The following CNTN4 variants were observed in gnomAD, a reference collection of about 807,000 sequenced individuals.
CNTN4 encodes the protein contactin-4.
A neutral mutation model predicts 122.5 loss-of-function variants in CNTN4; 77 were observed. That is an observed-to-expected ratio of 0.63 (90% CI 0.52 to 0.76). The LOEUF (loss-of-function observed/expected upper bound fraction) is 0.76, where lower values mean the gene tolerates loss of function less well. Ranked by LOEUF, CNTN4 falls within the 30% of genes least tolerant of loss-of-function variation. CNTN4 has a pLI of 0.00. For synonymous variants in CNTN4, 512 were observed against 447.0 expected (o/e 1.15, Z -1.83); for missense variants, 1,256 against 1,259.1 (o/e 1.00, Z 0.04).
At chr3:2,199,459 A>G (rs1244968861) in intron 2 of CNTN4, among the ~76,000 whole-genome samples, 1 of 152,100 alleles carries the variant, frequency 6.6e-6, no homozygotes, top group Non-Finnish European at 1.5e-5. Flanking sequence ...ATAGATTGAT[A>G]GCTTTGAAAT....
At chr3:2,608,886 G>A (rs1246019890) in intron 4 of CNTN4, among the ~76,000 whole-genome samples, 2 of 152,218 alleles carry the variant, frequency 1.3e-5, no homozygotes, top group Non-Finnish European at 2.9e-5. Flanking sequence ...ACTACTGGGA[G>A]ATTTCATAGG....
intron 7 of CNTN4, 103 bp downstream of exon 7, chr3:2,819,684 GA>G: frequency 1.1e-6 from 1 of 897,592 alleles, no homozygotes; most frequent in Non-Finnish European, 1.8e-6. Context: ...GTCATTTATA[GA>G]GATTCCCAAA....
rs1000167881 is a variant in CNTN4 at position 2,191,826 on chromosome 3, C to T, written c.-145+91187C>T. 2.6e-4 allele frequency among the ~76,000 whole-genome samples: 39 copies of T among 152,038 alleles called. 1 individual carries two copies. The highest frequency in any genetic ancestry group is 2.4e-3 in the Admixed American group (37 of 15,258). ...GCATGTGCCATGTTGGTGTGCTGCA[C>T]CCATTAACTTGTCATTTACATTAGG... On this transcript the variant is annotated intron_variant, in intron 2 of 24. Transcript: ENST00000418658.
intron 14 of CNTN4, among the ~76,000 whole-genome samples, chr3:3,003,129 G>T (rs1445237249): frequency 2.0e-5 from 3 of 152,190 alleles, no homozygotes; most frequent in Non-Finnish European, 4.4e-5. Flanking sequence ...AAGGGCTAGA[G>T]AGAAAACTGG....
chr3:2,287,699 A>G (rs778633474), intron 2 of CNTN4, among the ~76,000 whole-genome samples: 17,532 of 82,032 alleles, frequency 0.21, 1,865 homozygotes, highest in Non-Finnish European at 0.24. Flanking sequence ...AAGAGGAAGA[A>G]GAAGAAGAAG....
At position 3,026,211 on chromosome 3, in the gene CNTN4, T is replaced by A. The variant is rs1364591296; in HGVS notation, c.1596T>A (p.Thr532=). Residue 532 remains threonine, a synonymous_variant, in exon 15 of 25, where the codon ACT becomes ACA. Transcript: ENST00000418658. ...ATCACTCGCTAGACATCGTGTTTAC[T>A]TGGTCATTTAATGGACACCTGATAG... ...THDHSLDIVF[T]WSFNGHLIDF... is the part of the protein sequence containing the mutation. 2 of 1,613,598 alleles carry A rather than the reference T, an allele frequency of 1.2e-6. No individual in the cohort carries two copies. Among genetic ancestry groups the A allele is most frequent in the Non-Finnish European group, 1.7e-6 (2 of 1,179,586 alleles).
intron 4 of CNTN4, among the ~76,000 whole-genome samples, chr3:2,697,817 A>G (rs2086130033): frequency 6.6e-6 from 1 of 152,256 alleles, no homozygotes; most frequent in East Asian, 1.9e-4. Context: ...GATTCAGGGA[A>G]GAGTTGATGT....
chr3:2,717,145 G>A (rs1332355084), intron 4 of CNTN4, among the ~76,000 whole-genome samples: 1 of 152,120 alleles, frequency 6.6e-6, no homozygotes, highest in Non-Finnish European at 1.5e-5. Context: ...AGAGTTAACA[G>A]GCCTGACTGC....
rs904606274 is a variant in CNTN4, at chr3:2,802,686, A to G, written c.359-16800A>G. 5.7e-4 allele frequency among the ~76,000 whole-genome samples: 86 copies of G among 152,144 alleles called. 1 individual carries two copies. Among genetic ancestry groups the G allele is most frequent in the African/African-American group, 1.8e-3 (76 of 41,416 alleles). On this transcript the variant is annotated intron_variant, in intron 6 of 24. Coordinates refer to ENST00000418658, the MANE Select transcript of CNTN4 (RefSeq NM_175607.3). ...AGAAACCTAACCCTGTATTTCCCCTACGGTTTAGCAGTCACTAATTCAGTG... is the reference window on the plus strand; with the variant it reads ...AGAAACCTAACCCTGTATTTCCCCTGCGGTTTAGCAGTCACTAATTCAGTG...
Position 2,929,567 on chromosome 3 carries a change from A to G in CNTN4, c.1358+3788A>G, listed in dbSNP as rs1406029524. On this transcript the variant is annotated intron_variant, in intron 13 of 24. Coordinates refer to ENST00000418658, the MANE Select transcript of CNTN4 (RefSeq NM_175607.3). ...TTGAGAAGATCCAGGATGGATTGCAACTGCAGGTATGACAGGGCTTAGGTG... is the reference window on the plus strand; with the variant it reads ...TTGAGAAGATCCAGGATGGATTGCAGCTGCAGGTATGACAGGGCTTAGGTG... 2.0e-5 allele frequency among the ~76,000 whole-genome samples: 3 copies of G among 152,160 alleles called. No individual in the cohort carries two copies. The East Asian group carries it at 5.8e-4, about 29-fold the overall frequency.
chr3:2,798,649 A>G (rs2092269970), intron 6 of CNTN4, among the ~76,000 whole-genome samples: 1 of 152,092 alleles, frequency 6.6e-6, no homozygotes, highest in East Asian at 1.9e-4. Flanking sequence ...AGCTAGGACC[A>G]TAGGCACGCA....
intron 2 of CNTN4, among the ~76,000 whole-genome samples, chr3:2,308,107 T>G (rs2042785630): frequency 6.6e-6 from 1 of 152,132 alleles, no homozygotes; most frequent in Admixed American, 6.5e-5. Context: ...ATTTTCTGTT[T>G]CTTCTTGAAT....
intron 3 of CNTN4, among the ~76,000 whole-genome samples, chr3:2,383,895 C>T (rs2046131626): frequency 6.6e-6 from 1 of 151,976 alleles, no homozygotes; most frequent in Admixed American, 6.6e-5. Context: ...CTAATAAACC[C>T]ATTGTAAAGC....
At chr3:2,837,572 A>G (rs1427380527) in intron 7 of CNTN4, among the ~76,000 whole-genome samples, 2 of 152,198 alleles carry the variant, frequency 1.3e-5, no homozygotes, top group Admixed American at 1.3e-4. Context: ...AAATACACAT[A>G]TAACCACCCC....
intron 4 of CNTN4, among the ~76,000 whole-genome samples, chr3:2,676,729 T>G (rs2084866953): frequency 6.6e-6 from 1 of 152,254 alleles, no homozygotes; most frequent in African/African-American, 2.4e-5. Context: ...AGAAAATGTT[T>G]CAGTAAGGAA....
At chr3:2,441,373 C>A (rs1380556929) in intron 3 of CNTN4, among the ~76,000 whole-genome samples, 1 of 152,138 alleles carries the variant, frequency 6.6e-6, no homozygotes, top group Non-Finnish European at 1.5e-5. Flanking sequence ...CCTGTATGAT[C>A]TGATTGAATC....
intron 4 of CNTN4, among the ~76,000 whole-genome samples, chr3:2,636,116 A>G (rs1160452305): frequency 6.6e-6 from 1 of 152,210 alleles, no homozygotes; most frequent in Admixed American, 6.5e-5. Flanking sequence ...TTCTTCCCTG[A>G]CAATACTTGT....
chr3:2,639,433 T>A (rs1398797698), intron 4 of CNTN4, among the ~76,000 whole-genome samples: 1 of 152,218 alleles, frequency 6.6e-6, no homozygotes, highest in African/African-American at 2.4e-5. Context: ...ACCTTCTTAA[T>A]GAAGCTATTC....
Position 2,413,604 on chromosome 3 carries a change from C to T in CNTN4, c.-89+74371C>T, listed in dbSNP as rs139600330. Among the ~76,000 whole-genome samples, 812 of 151,644 alleles carry T rather than the reference C, an allele frequency of 5.4e-3. 7 individuals carry two copies. Among genetic ancestry groups the T allele is most frequent in the African/African-American group, 0.018 (758 of 41,332 alleles). ...TGTTGCCCAGGCTGAAGGGCAGTGG[C>T]GTGATCTCGGCTCACTACAACCTCC... On this transcript the variant is annotated intron_variant, in intron 3 of 24. Transcript: ENST00000418658.
Sources: allele counts gnomAD v4.1 joint callset (sites outside exome capture counted in the v4.1 genomes callset), GRCh38; gene constraint gnomAD v4.1.1; transcripts MANE v1.5; gene names NCBI Gene and HGNC (gene_info 2026-07-23, HGNC 2026-07-21).